SHOC1: variants seen among roughly 807,000 people sequenced by gnomAD.
The protein encoded by SHOC1 is protein shortage in chiasmata 1 ortholog.
A neutral mutation model predicts 179.2 loss-of-function variants in SHOC1; 136 were observed. The ratio of observed to expected loss-of-function variants is 0.76; its 90% CI spans 0.66 to 0.87. The LOEUF (loss-of-function observed/expected upper bound fraction) is 0.87, where lower values mean the gene tolerates loss of function less well. SHOC1 is among the 40% of genes least tolerant of loss of function. The pLI, the probability that SHOC1 is intolerant of heterozygous loss-of-function variation, is 0.00. For synonymous variants in SHOC1, 489 were observed against 586.6 expected, an observed-to-expected ratio of 0.83 and a Z score of 2.41; for missense variants, 1,538 against 1,700.8, an observed-to-expected ratio of 0.90 and a Z score of 1.68.
chr9:111,793,097 T>C (rs1836503081), intron 1 of SHOC1, among the ~76,000 whole-genome samples: 1 of 152,166 alleles, frequency 6.6e-6, no homozygotes, highest in African/African-American at 2.4e-5. Flanking sequence ...TTAGACTGGA[T>C]GGTCTCGATC....
intron 12 of SHOC1, 141 bp from the exon 13 acceptor site, chr9:111,728,190 C>T: frequency 1.7e-6 from 1 of 592,024 alleles, no homozygotes; most frequent in Non-Finnish European, 2.6e-6. Flanking sequence ...CTTTGAAAAT[C>T]AATTTTTGGT....
chr9:111,763,671 A>G (rs949945659), intron 5 of SHOC1, among the ~76,000 whole-genome samples: 7 of 152,230 alleles, frequency 4.6e-5, no homozygotes, highest in African/African-American at 1.7e-4. Context: ...GAGTGGAAGT[A>G]CTGTACTAAA....
chr9:111,769,624 T>C (rs573794567), intron 5 of SHOC1, among the ~76,000 whole-genome samples: 1 of 152,152 alleles, frequency 6.6e-6, no homozygotes, highest in African/African-American at 2.4e-5. Context: ...TACAAGCACA[T>C]GCCACCACAA....
chr9:111,748,971 CCCCTCCCT>C (rs72344753), intron 8 of SHOC1, among the ~76,000 whole-genome samples: 21 of 59,374 alleles, frequency 3.5e-4, no homozygotes, highest in Admixed American at 2.2e-3. Flanking sequence ...CTTTTATTTT[CCCCTCCCT>C]CCCTCCCTCC....
chr9:111,759,359 G>A, intron 5 of SHOC1: 1 of 1,492,874 alleles, frequency 6.7e-7, no homozygotes. Context: ...TATTCACATG[G>A]TTGCTATAAA....
intron 5 of SHOC1, among the ~76,000 whole-genome samples, chr9:111,762,485 T>C (rs1241148602): frequency 6.6e-6 from 1 of 151,728 alleles, no homozygotes; most frequent in Admixed American, 6.6e-5. Context: ...AAGCATAAAA[T>C]AAAATATTCC....
rs552529771 is a variant in SHOC1 at position 111,738,135 on chromosome 9, A to G, written c.1417+145T>C. On this transcript the variant is annotated intron_variant, in intron 12 of 27. Transcript: ENST00000682961. Reference sequence around the variant, plus strand: ...AAGAAAATGGGACCTAGAGAAATCCAAAGTCATAAATTCTGGCAGAGCCAG... The same window carrying G: ...AAGAAAATGGGACCTAGAGAAATCCGAAGTCATAAATTCTGGCAGAGCCAG... The G allele has an allele frequency of 1.9e-5, 12 of 626,906 alleles. No homozygotes were observed. The African/African-American group carries it at 2.1e-4, about 11-fold the overall frequency. The allele number at this position is 626,906 out of a possible 1,614,324, so 38.8% of individuals were successfully genotyped here. A position where few individuals can be genotyped will look rare whatever the true frequency, so the allele number is the denominator to read the frequency against.
intron 20 of SHOC1, 146 bp downstream of exon 20, chr9:111,706,422 C>G: frequency 2.2e-6 from 1 of 446,672 alleles, no homozygotes; most frequent in Non-Finnish European, 3.8e-6. Context: ...AAAGGACTAC[C>G]CCAGGTCACA....
intron 15 of SHOC1, 71 bp downstream of exon 15, chr9:111,722,338 A>G: frequency 7.0e-7 from 1 of 1,428,726 alleles, no homozygotes; most frequent in Non-Finnish European, 9.4e-7. Flanking sequence ...TCTATACCCA[A>G]TTTTTACTAA....
intron 9 of SHOC1, among the ~76,000 whole-genome samples, chr9:111,747,828 G>T (rs895655878): frequency 6.6e-6 from 1 of 151,952 alleles, no homozygotes; most frequent in Non-Finnish European, 1.5e-5. Context: ...TAAGTGATCC[G>T]CCCACCTCAG....
intron 5 of SHOC1, among the ~76,000 whole-genome samples, chr9:111,763,875 A>G (rs1168170678): frequency 1.3e-5 from 2 of 152,196 alleles, no homozygotes; most frequent in African/African-American, 4.8e-5. Flanking sequence ...CAAACAGGGG[A>G]GAGTTTCAGG....
chr9:111,705,299 C>T lies in SHOC1; in HGVS notation c.2803G>A (p.Ala935Thr). ...LEIQIPYVFF[A>T]SEGLLNTPDI... ...GGAGTATTAAGAAGTCCTTCAGATG[C>T]AAAAAACACATATGGAATCTGAATT... Residue 935 changes from alanine to threonine, a missense_variant, in exon 21 of 28, where the codon GCA becomes ACA. Transcript: ENST00000682961. 1 of 1,588,658 alleles carries T rather than the reference C, an allele frequency of 6.3e-7. No homozygotes were observed. Among genetic ancestry groups the T allele is most frequent in the Non-Finnish European group, 8.6e-7 (1 of 1,168,112 alleles).
At chr9:111,747,966 G>C in intron 9 of SHOC1, 126 bp downstream of exon 9, 1 of 592,198 alleles carries the variant, frequency 1.7e-6, no homozygotes, top group South Asian at 2.7e-5. Context: ...AAAATGACAG[G>C]ATTATAACAA....
At chr9:111,780,237 T>A (rs1347920842) in intron 4 of SHOC1, among the ~76,000 whole-genome samples, 1 of 152,184 alleles carries the variant, frequency 6.6e-6, no homozygotes, top group African/African-American at 2.4e-5. Context: ...CTAAGGAAAA[T>A]TTAAATTACA....
At chr9:111,794,279 A>T (rs1325781347) in intron 1 of SHOC1, among the ~76,000 whole-genome samples, 3 of 75,162 alleles carry the variant, frequency 4.0e-5, no homozygotes, top group Non-Finnish European at 9.2e-5. Context: ...AAACCCACTT[A>T]AAAAAAAAAA....
rs116130718 is a variant in SHOC1 at position 111,725,491 on chromosome 9, G to C, written c.1835-1580C>G. On this transcript the variant is annotated intron_variant, in intron 13 of 27. Transcript: ENST00000682961. ...CCTAGGGTATGCTGGACTGGGATAG[G>C]ATACCCCACTGGGTCCAGGGAGGGC... 6.3e-3 allele frequency among the ~76,000 whole-genome samples: 959 copies of C among 152,200 alleles called. 9 individuals are homozygous for C. The highest frequency in any genetic ancestry group is 0.022 in the African/African-American group (904 of 41,548).
chr9:111,728,272 A>G (rs1321306578), intron 12 of SHOC1, among the ~76,000 whole-genome samples: 1 of 152,206 alleles, frequency 6.6e-6, no homozygotes, highest in African/African-American at 2.4e-5. Flanking sequence ...CTAGTTTACC[A>G]AGCAAAGAAG....
At position 111,769,975 on chromosome 9, in the gene SHOC1, G is replaced by GTTTTTTTTTT; in HGVS notation, c.442+5806_442+5815dup. ...AATCTAGCGAAAGGTTTTATCTTCTGTTTTTTTTTTGTTTTTTTTTTTTTT... is the reference window on the plus strand; with the variant it reads ...AATCTAGCGAAAGGTTTTATCTTCTGTTTTTTTTTTTTTTTTTTTTGTTTTTTTTTTTTTT... On this transcript the variant is annotated intron_variant, in intron 5 of 27. Transcript: ENST00000682961. Among the ~76,000 whole-genome samples the GTTTTTTTTTT allele has an allele frequency of 3.0e-3, 260 of 87,734 alleles. 9 individuals are homozygous for GTTTTTTTTTT. Among genetic ancestry groups the GTTTTTTTTTT allele is most frequent in the Non-Finnish European group, 3.9e-3 (179 of 45,704 alleles). 57.6% of individuals were successfully genotyped at this position (87,734 alleles called of 152,430 possible). A position where few individuals can be genotyped will look rare whatever the true frequency, so the allele number is the denominator to read the frequency against.
At chr9:111,774,366 A>T (rs1589466199) in intron 5 of SHOC1, among the ~76,000 whole-genome samples, 1 of 152,150 alleles carries the variant, frequency 6.6e-6, no homozygotes, top group Non-Finnish European at 1.5e-5. Flanking sequence ...TGGCACGATC[A>T]TGGCTTACTA....
Sources: allele counts gnomAD v4.1 joint callset (sites outside exome capture counted in the v4.1 genomes callset), GRCh38; gene constraint gnomAD v4.1.1; transcripts MANE v1.5; gene names NCBI Gene and HGNC (gene_info 2026-07-23, HGNC 2026-07-21).